Variants in TM2D1 observed in about 807,000 individuals in gnomAD.
TM2D1 encodes TM2 domain-containing protein 1.
A neutral mutation model predicts 28.4 loss-of-function variants in TM2D1; 15 were observed. The observed-to-expected ratio is 0.53, with a 90% CI of 0.35 to 0.81. The LOEUF (loss-of-function observed/expected upper bound fraction) is 0.81, where lower values mean the gene tolerates loss of function less well. TM2D1 is among the 40% of genes least tolerant of loss of function. TM2D1 has a pLI of 0.01. For synonymous variants in TM2D1, 93 were observed against 96.2 expected, an observed-to-expected ratio of 0.97 and a Z score of 0.20; for missense variants, 236 against 254.9, an observed-to-expected ratio of 0.93 and a Z score of 0.50.
intron 3 of TM2D1, among the ~76,000 whole-genome samples, chr1:61,708,778 T>C (rs1171734009): frequency 2.6e-5 from 4 of 152,030 alleles, no homozygotes; most frequent in African/African-American, 9.7e-5. Context: ...TGAATTAACA[T>C]GGCACGAGGC....
In TM2D1 at chr1:61,691,921, TAA is replaced by T. The variant is rs1316880566; in HGVS notation, c.513+2774_513+2775del. On this transcript the variant is annotated intron_variant, in intron 5 of 6. Coordinates refer to ENST00000606498, the MANE Select transcript of TM2D1 (RefSeq NM_032027.3). ...CGAAAACTCCATCTCAAAAAAAACT[TAA>T]AAAAAAAAAATATATATATATATAT... Among the ~76,000 whole-genome samples, 26 of 62,060 alleles carry T rather than the reference TAA, an allele frequency of 4.2e-4. 1 individual carries two copies. In the Middle Eastern group the frequency reaches 0.05, roughly 119 times the overall value. The allele number at this position is 62,060 out of a possible 152,430, so 40.7% of individuals were successfully genotyped here. A position where few individuals can be genotyped will look rare whatever the true frequency, so the allele number is the denominator to read the frequency against.
intron 5 of TM2D1, among the ~76,000 whole-genome samples, chr1:61,693,457 T>C (rs937036376): frequency 3.3e-5 from 5 of 152,298 alleles, no homozygotes; most frequent in Non-Finnish European, 7.4e-5. Context: ...ATTAAATTCC[T>C]TGGATCCTCA....
chr1:61,699,978 G>A (rs545852797), intron 4 of TM2D1: 37 of 641,540 alleles, frequency 5.8e-5, no homozygotes, highest in Middle Eastern at 4.8e-4. Flanking sequence ...TAGCAACATG[G>A]AAGAAATAAG....
In TM2D1 at chr1:61,691,921, T is replaced by TAAAAAAAAAAA. The variant is rs1316880566; in HGVS notation, c.513+2765_513+2775dup. ...CGAAAACTCCATCTCAAAAAAAACT[T>TAAAAAAAAAAA]AAAAAAAAAAAATATATATATATAT... On this transcript the variant is annotated intron_variant, in intron 5 of 6. Coordinates refer to ENST00000606498, the MANE Select transcript of TM2D1 (RefSeq NM_032027.3). Among the ~76,000 whole-genome samples, 46 of 62,050 alleles carry TAAAAAAAAAAA rather than the reference T, an allele frequency of 7.4e-4. 1 individual carries two copies. The highest frequency in any genetic ancestry group is 2.6e-3 in the African/African-American group (46 of 17,542). 40.7% of individuals were successfully genotyped at this position (62,050 alleles called of 152,430 possible). A position where few individuals can be genotyped will look rare whatever the true frequency, so the allele number is the denominator to read the frequency against.
At chr1:61,714,582 C>T (rs901267984) in intron 2 of TM2D1, among the ~76,000 whole-genome samples, 3 of 152,094 alleles carry the variant, frequency 2.0e-5, no homozygotes, top group African/African-American at 7.2e-5. Flanking sequence ...ATTTTTGTGG[C>T]AGGGTCTTGT....
chr1:61,713,621 G>GT, intron 2 of TM2D1, among the ~76,000 whole-genome samples: 1 of 151,660 alleles, frequency 6.6e-6, no homozygotes, highest in African/African-American at 2.4e-5. Flanking sequence ...AGAAAGCACA[G>GT]TATTACTAGA....
intron 3 of TM2D1, among the ~76,000 whole-genome samples, chr1:61,701,310 C>CAAAAAAAAAAAAAAAAAAAAAAAAAAAA (rs10587870): frequency 2.4e-5 from 2 of 84,042 alleles, no homozygotes; most frequent in African/African-American, 4.3e-5. Context: ...TAAATGTTAA[C>CAAAAAAAAAAAAAAAAAAAAAAAAAAAA]AAAAAAAAAA....
At chr1:61,723,596 T>C (rs1024145287) in intron 2 of TM2D1, 117 bp downstream of exon 2, 2 of 500,480 alleles carry the variant, frequency 4.0e-6, no homozygotes, top group African/African-American at 3.9e-5. Flanking sequence ...GGAAACTGAA[T>C]AATAATGTTA....
chr1:61,717,067 G>T (rs1644527324), intron 2 of TM2D1, among the ~76,000 whole-genome samples: 1 of 152,102 alleles, frequency 6.6e-6, no homozygotes, highest in Non-Finnish European at 1.5e-5. Context: ...AGCCAGTTAT[G>T]GCCGGGTGCA....
At chr1:61,702,006 AG>A (rs1318595198) in intron 3 of TM2D1, among the ~76,000 whole-genome samples, 1 of 152,124 alleles carries the variant, frequency 6.6e-6, no homozygotes, top group Non-Finnish European at 1.5e-5. Flanking sequence ...CCTGGCCAAC[AG>A]AGTGAAACAC....
chr1:61,691,957 A>ATATATATATATATATG (rs1557527403), intron 5 of TM2D1, among the ~76,000 whole-genome samples: 2 of 136,180 alleles, frequency 1.5e-5, no homozygotes, highest in East Asian at 2.1e-4. Context: ...ATATATATAT[A>ATATATATATATATATG]TATGTATATA....
Position 61,701,556 on chromosome 1 carries a change from CGTGTGTGTGTGTGTGTGTGTGT to C in TM2D1, c.348-553_348-532del, listed in dbSNP as rs60257971. On this transcript the variant is annotated intron_variant, in intron 3 of 6. Transcript: ENST00000606498. Reference sequence around the variant, plus strand: ...AAGATCCCTGCTCATAATTCTCTTTCGTGTGTGTGTGTGTGTGTGTGTGTGTGTGTGTGTATTTTATTGCACT... The same window carrying C: ...AAGATCCCTGCTCATAATTCTCTTTCGTGTGTGTGTGTATTTTATTGCACT... Among the ~76,000 whole-genome samples, 5 of 145,952 alleles carry C rather than the reference CGTGTGTGTGTGTGTGTGTGTGT, an allele frequency of 3.4e-5. No individual in the cohort carries two copies. The South Asian group carries it at 6.7e-4, about 20-fold the overall frequency.
chr1:61,694,838 T>A, intron 4 of TM2D1, 68 bp from the exon 5 acceptor site: 1 of 903,862 alleles, frequency 1.1e-6, no homozygotes, highest in African/African-American at 1.7e-5. Flanking sequence ...TGCTCCATTT[T>A]CCAATAAACC....
At position 61,712,767 on chromosome 1, in the gene TM2D1, G is replaced by A. The variant is rs182097763; in HGVS notation, c.239-3330C>T. Among the ~76,000 whole-genome samples the A allele has an allele frequency of 2.6e-5, 4 of 152,234 alleles. No homozygotes were observed. The East Asian group carries it at 7.7e-4, about 29-fold the overall frequency. On this transcript the variant is annotated intron_variant, in intron 2 of 6. Transcript: ENST00000606498. ...ACATGTTATAGCACTCTTCAAAGTG[G>A]ACTCTAAACACCACAGCAATTTCAC...
At chr1:61,689,883 A>G (rs1484188867) in intron 5 of TM2D1, among the ~76,000 whole-genome samples, 1 of 152,158 alleles carries the variant, frequency 6.6e-6, no homozygotes, top group East Asian at 1.9e-4. Context: ...TAGCCCTATT[A>G]TGTTTTGAAT....
chr1:61,693,428 C>T (rs12088522), intron 5 of TM2D1, among the ~76,000 whole-genome samples: 3,385 of 152,174 alleles, frequency 0.022, 125 homozygotes, highest in African/African-American at 0.077. Flanking sequence ...TATCTTAACT[C>T]AAAGAATCCC....
At chr1:61,710,179 T>C (rs1228049317) in intron 2 of TM2D1, among the ~76,000 whole-genome samples, 1 of 152,018 alleles carries the variant, frequency 6.6e-6, no homozygotes, top group Non-Finnish European at 1.5e-5. Flanking sequence ...CAGTGGCTCA[T>C]GCCTATAATC....
chr1:61,703,738 A>G (rs1458889440), intron 3 of TM2D1, among the ~76,000 whole-genome samples: 1 of 121,646 alleles, frequency 8.2e-6, no homozygotes, highest in Non-Finnish European at 1.6e-5. Flanking sequence ...ATATATATAT[A>G]TATATATATA....
intron 2 of TM2D1, 111 bp downstream of exon 2, chr1:61,723,602 T>C (rs1644583207): frequency 3.9e-6 from 2 of 516,282 alleles, no homozygotes; most frequent in South Asian, 3.7e-5. Context: ...TGAATAATAA[T>C]GTTATCATTT....
Sources: allele counts gnomAD v4.1 joint callset (sites outside exome capture counted in the v4.1 genomes callset), GRCh38; gene constraint gnomAD v4.1.1; transcripts MANE v1.5; gene names NCBI Gene and HGNC (gene_info 2026-07-23, HGNC 2026-07-21).